DPY19L1: variants seen among roughly 807,000 people sequenced by gnomAD.
DPY19L1 encodes dpy-19 like C-mannosyltransferase 1.
A neutral mutation model predicts 96.9 loss-of-function variants in DPY19L1; 35 were observed. That is an observed-to-expected ratio of 0.36 (90% CI 0.28 to 0.48). The LOEUF is 0.48. DPY19L1 is among the 20% of genes least tolerant of loss of function. The pLI is 0.99. For missense variants in DPY19L1, 521 were observed against 777.9 expected (o/e 0.67, Z 3.93); for synonymous variants, 205 against 252.6 (o/e 0.81, Z 1.79).
intron 6 of DPY19L1, among the ~76,000 whole-genome samples, chr7:34,992,541 G>A (rs1785193475): frequency 8.1e-6 from 1 of 123,472 alleles, no homozygotes; most frequent in Non-Finnish European, 1.7e-5. Context: ...AAACCTTCCT[G>A]CCTTTTTTTT....
intron 7 of DPY19L1, among the ~76,000 whole-genome samples, chr7:34,982,033 C>T (rs1036364287): frequency 3.9e-5 from 6 of 152,214 alleles, no homozygotes; most frequent in East Asian, 1.9e-4. Flanking sequence ...AATTGTGAGA[C>T]GTCTACAAAA....
chr7:35,020,818 C>T (rs1408473196), intron 1 of DPY19L1, among the ~76,000 whole-genome samples: 1 of 152,116 alleles, frequency 6.6e-6, no homozygotes, highest in Non-Finnish European at 1.5e-5. Context: ...AAGCGATTCT[C>T]CTGTCTCAGC....
intron 1 of DPY19L1, among the ~76,000 whole-genome samples, chr7:35,027,747 A>C (rs1346028807): frequency 6.6e-6 from 1 of 151,290 alleles, no homozygotes; most frequent in Admixed American, 6.6e-5. Flanking sequence ...CTGAGGCAGG[A>C]GAATCGCTTG....
intron 13 of DPY19L1, among the ~76,000 whole-genome samples, chr7:34,952,853 T>C (rs1784297099): frequency 6.6e-6 from 1 of 152,124 alleles, no homozygotes; most frequent in African/African-American, 2.4e-5. Context: ...GTTCTAGAGA[T>C]TAACCAAAAG....
At chr7:35,011,584 G>A (rs1293184375) in intron 4 of DPY19L1, 134 bp from the exon 5 acceptor site, 21 of 832,678 alleles carry the variant, frequency 2.5e-5, no homozygotes, top group Non-Finnish European at 3.4e-5. Context: ...TTTAAATGTA[G>A]TAAAACAAGG....
chr7:35,031,065 A>T (rs1256588980), intron 1 of DPY19L1, among the ~76,000 whole-genome samples: 1 of 152,198 alleles, frequency 6.6e-6, no homozygotes, highest in Non-Finnish European at 1.5e-5. Context: ...ACAGGAATTT[A>T]GGATTAAACA....
intron 13 of DPY19L1, among the ~76,000 whole-genome samples, chr7:34,951,460 TA>T (rs1343964372): frequency 2.0e-5 from 3 of 152,058 alleles, no homozygotes; most frequent in Non-Finnish European, 4.4e-5. Flanking sequence ...GAAATTGCTT[TA>T]AAAATTCTTG....
chr7:34,931,378 T>C lies in DPY19L1; in HGVS notation c.*195A>G, dbSNP rs1378767776. The C allele has an allele frequency of 1.3e-5, 9 of 699,258 alleles. No homozygotes were observed. Among genetic ancestry groups the C allele is most frequent in the Admixed American group, 4.0e-5 (1 of 25,216 alleles). The allele number at this position is 699,258 out of a possible 1,614,324, so 43.3% of individuals were successfully genotyped here. A position where few individuals can be genotyped will look rare whatever the true frequency, so the allele number is the denominator to read the frequency against. On this transcript the variant is annotated 3_prime_UTR_variant, in exon 22 of 22. Transcript: ENST00000638088. ...TGCATAGCAAATTTTAAAGGGTGCA[T>C]TGAAATAGTAACCAATTGATAAAGG...
At chr7:35,018,391 A>C (rs1785910489) in intron 2 of DPY19L1, among the ~76,000 whole-genome samples, 181 bp downstream of exon 2, 2 of 152,156 alleles carry the variant, frequency 1.3e-5, no homozygotes, top group Non-Finnish European at 2.9e-5. Context: ...CTTTTTTATT[A>C]AACAATTATA....
chr7:34,939,165 C>T (rs1783937980), intron 20 of DPY19L1, 111 bp downstream of exon 20: 3 of 912,698 alleles, frequency 3.3e-6, no homozygotes, highest in East Asian at 2.7e-5. Flanking sequence ...CTCGATAAGC[C>T]TCAGTTCATC....
intron 6 of DPY19L1, among the ~76,000 whole-genome samples, chr7:34,992,168 A>G (rs1785183927): frequency 6.6e-6 from 1 of 151,908 alleles, no homozygotes; most frequent in South Asian, 2.1e-4. Context: ...TGCTTTTCAA[A>G]TTTTCTCCTT....
chr7:34,996,441 A>G (rs1483767541), intron 6 of DPY19L1, among the ~76,000 whole-genome samples: 3 of 152,080 alleles, frequency 2.0e-5, no homozygotes, highest in Non-Finnish European at 4.4e-5. Context: ...CTCTTCCCAG[A>G]TGCTTCCTCC....
At chr7:35,024,718 C>T (rs1391134053) in intron 1 of DPY19L1, among the ~76,000 whole-genome samples, 2 of 152,126 alleles carry the variant, frequency 1.3e-5, no homozygotes, top group Non-Finnish European at 2.9e-5. Context: ...GTAATTTGTC[C>T]TTCAAAATCA....
chr7:34,931,627 G>A lies in DPY19L1; in HGVS notation c.2193C>T (p.Phe731=). Residue 731 remains phenylalanine, a synonymous_variant, in exon 22 of 22, where the codon TTC becomes TTT. Coordinates refer to ENST00000638088, the MANE Select transcript of DPY19L1 (RefSeq NM_001366673.1). ...NLLVKDSKPH[F]TTVFQNSVYK... ...AAACACTGTTCTGGAATACAGTGGT[G>A]AAGTGAGGTTTGGAATCCTTCACCA... 6.3e-7 allele frequency: 1 copy of A among 1,592,032 alleles called. No individual in the cohort carries two copies. The highest frequency in any genetic ancestry group is 8.5e-7 in the Non-Finnish European group (1 of 1,170,196).
At chr7:34,975,815 C>A (rs1784819047) in intron 7 of DPY19L1, among the ~76,000 whole-genome samples, 1 of 152,192 alleles carries the variant, frequency 6.6e-6, no homozygotes, top group African/African-American at 2.4e-5. Flanking sequence ...TGCACGTGAT[C>A]TACAAATGGA....
intron 10 of DPY19L1, among the ~76,000 whole-genome samples, chr7:34,959,933 A>AAAAATATATATT (rs1784467470): frequency 1.3e-5 from 1 of 77,824 alleles, no homozygotes; most frequent in Non-Finnish European, 3.3e-5. Context: ...ATTTATATAT[A>AAAAATATATATT]TATATATATA....
chr7:34,992,893 G>T (rs1487799324), intron 6 of DPY19L1, among the ~76,000 whole-genome samples: 2 of 152,124 alleles, frequency 1.3e-5, no homozygotes, highest in East Asian at 1.9e-4. Flanking sequence ...CAACCTGTAT[G>T]AATAATGTTG....
intron 7 of DPY19L1, among the ~76,000 whole-genome samples, chr7:34,988,490 G>C (rs117766928): frequency 1.7e-3 from 255 of 150,548 alleles, no homozygotes; most frequent in Non-Finnish European, 3.0e-3. Context: ...GCAACCACTT[G>C]TCAATTACTC....
intron 13 of DPY19L1, among the ~76,000 whole-genome samples, chr7:34,951,684 C>G (rs1299163062): frequency 2.0e-5 from 3 of 151,466 alleles, no homozygotes; most frequent in African/African-American, 7.3e-5. Context: ...AGAATGAGGA[C>G]AGGAATTGGT....
Sources: gnomAD v4.1 joint callset for allele counts (sites outside exome capture counted in the v4.1 genomes callset) on GRCh38, gnomAD v4.1.1 for gene constraint, MANE v1.5 for transcripts, NCBI Gene and HGNC (gene_info 2026-07-23, HGNC 2026-07-21) for gene names.